Variants in ANK2 observed in about 807,000 individuals in gnomAD.
The protein encoded by ANK2 is ankyrin 2.
Under a neutral mutation model 360.5 loss-of-function variants are expected in ANK2, and 83 were observed. That is an observed-to-expected ratio of 0.23 (90% CI 0.19 to 0.28). ANK2 has a LOEUF of 0.28. Ranked by LOEUF, ANK2 falls within the 10% of genes least tolerant of loss-of-function variation. ANK2 has a pLI of 1.00. For synonymous variants in ANK2, 1,740 were observed against 1,759.5 expected (o/e 0.99, Z 0.28); for missense variants, 4,201 against 4,795.7 (o/e 0.88, Z 3.66).
intron 26 of ANK2, chr4:113,323,618 C>T (rs1262704517): frequency 5.8e-6 from 4 of 695,560 alleles, no homozygotes; most frequent in East Asian, 6.3e-5. Flanking sequence ...TTGCTCTTCT[C>T]GACCTATATC....
chr4:113,171,306 T>A (rs976450626), intron 1 of ANK2, among the ~76,000 whole-genome samples: 26 of 152,174 alleles, frequency 1.7e-4, no homozygotes, highest in African/African-American at 6.3e-4. Context: ...AGCGCTTGTG[T>A]CAAGGGCCTT....
intron 2 of ANK2, among the ~76,000 whole-genome samples, chr4:113,190,078 T>TA (rs1489936899): frequency 3.3e-5 from 5 of 151,110 alleles, no homozygotes; most frequent in East Asian, 3.9e-4. Flanking sequence ...TTTGTTACTG[T>TA]AAAAAAAAAC....
intron 2 of ANK2, among the ~76,000 whole-genome samples, chr4:112,934,628 G>T (rs2093578681): frequency 2.0e-5 from 3 of 152,104 alleles, no homozygotes; most frequent in African/African-American, 7.2e-5. Flanking sequence ...TTAAACACAT[G>T]GTTACAGGAT....
intron 38 of ANK2, among the ~76,000 whole-genome samples, chr4:113,359,981 G>A (rs1564074710): frequency 1.3e-5 from 2 of 152,130 alleles, no homozygotes; most frequent in African/African-American, 2.4e-5. Context: ...GACTGTGAGG[G>A]GATGATGGCT....
chr4:112,829,077 CA>C, intron 1 of ANK2, among the ~76,000 whole-genome samples: 1 of 152,262 alleles, frequency 6.6e-6, no homozygotes, highest in South Asian at 2.1e-4. Context: ...CGCTTGAACC[CA>C]GGAGGCAGAG....
chr4:113,080,191 G>A (rs2081833638), intron 1 of ANK2, among the ~76,000 whole-genome samples: 1 of 152,148 alleles, frequency 6.6e-6, no homozygotes, highest in Non-Finnish European at 1.5e-5. Context: ...CAGTCGCCAT[G>A]CCCTGCCCAC....
At chr4:112,921,052 C>CTT (rs1197480851) in intron 2 of ANK2, among the ~76,000 whole-genome samples, 57 of 135,120 alleles carry the variant, frequency 4.2e-4, no homozygotes, top group African/African-American at 9.7e-4. Flanking sequence ...TTCTTTTTCT[C>CTT]TTTTTTTTTT....
the ANK2 span, chr4:112,706,820 CACAA>C: frequency 1.3e-5 from 2 of 152,244 alleles, no homozygotes; most frequent in African/African-American, 4.8e-5. Context: ...TCTATAGAGA[CACAA>C]ACAGCTTCCC....
intron 2 of ANK2, among the ~76,000 whole-genome samples, chr4:112,937,680 T>C: frequency 6.6e-6 from 1 of 152,234 alleles, no homozygotes; most frequent in East Asian, 1.9e-4. Flanking sequence ...TTGGTTTCCT[T>C]GCCTGAAGCA....
At chr4:112,890,715 G>A (rs1261778862) in intron 1 of ANK2, among the ~76,000 whole-genome samples, 1 of 151,902 alleles carries the variant, frequency 6.6e-6, no homozygotes, top group African/African-American at 2.4e-5. Flanking sequence ...TTACAGGCAT[G>A]TGCCACCATG....
intron 2 of ANK2, among the ~76,000 whole-genome samples, chr4:113,176,549 CATATGGAT>C (rs1448558126): frequency 7.9e-5 from 12 of 151,940 alleles, no homozygotes; most frequent in African/African-American, 2.4e-4. Context: ...TTCAAACTCC[CATATGGAT>C]ATATGGACTT....
rs1025917024 is a variant in ANK2, at chr4:113,358,549, A to G, written c.9931A>G (p.Thr3311Ala). The change falls in exon 38 of 46, where the codon ACT becomes GCT. Residue 3311 changes from threonine (T) to alanine (A), a missense_variant. Coordinates refer to ENST00000357077, the MANE Select transcript of ANK2 (RefSeq NM_001148.6). ...KSKIPVRTMP[T>A]STPAPPSAEY... is the part of the protein sequence containing the mutation. ...CAAAATTCCTGTAAGGACTATGCCC[A>G]CTTCCACCCCAGCACCTCCATCTGC... The G allele has an allele frequency of 5.0e-6, 8 of 1,614,048 alleles. No homozygotes were observed. Among genetic ancestry groups the G allele is most frequent in the South Asian group, 1.1e-5 (1 of 91,086 alleles).
chr4:112,980,818 A>T (rs1409683824), intron 2 of ANK2, among the ~76,000 whole-genome samples: 1 of 152,220 alleles, frequency 6.6e-6, no homozygotes, highest in East Asian at 1.9e-4. Context: ...GGAAATTGGG[A>T]AAGATTTCAG....
intron 1 of ANK2, among the ~76,000 whole-genome samples, chr4:113,147,609 T>C (rs1455359459): frequency 1.3e-5 from 2 of 152,208 alleles, no homozygotes; most frequent in East Asian, 3.8e-4. Context: ...ATTTTTCCAC[T>C]TTGGCCATGG....
At chr4:112,774,426 T>C in the ANK2 span, among the ~76,000 whole-genome samples, 1 of 152,050 alleles carries the variant, frequency 6.6e-6, no homozygotes, top group African/African-American at 2.4e-5. Context: ...CTCGGGAGGC[T>C]GAGGCAGGAG....
chr4:112,843,364 C>G (rs775142715), intron 1 of ANK2, among the ~76,000 whole-genome samples: 1 of 152,180 alleles, frequency 6.6e-6, no homozygotes, highest in Non-Finnish European at 1.5e-5. Context: ...CCATTAAGAT[C>G]TCACATTTGA....
intron 1 of ANK2, among the ~76,000 whole-genome samples, chr4:113,150,490 A>G (rs2097023913): frequency 6.6e-6 from 1 of 152,196 alleles, no homozygotes; most frequent in African/African-American, 2.4e-5. Flanking sequence ...TGTTGGGAAG[A>G]AAGTACACTT....
chr4:113,006,707 CT>C (rs1387822146), intron 2 of ANK2, among the ~76,000 whole-genome samples: 3 of 152,146 alleles, frequency 2.0e-5, no homozygotes, highest in African/African-American at 7.2e-5. Flanking sequence ...GGTTAATGTA[CT>C]TAGAAATATC....
the ANK2 span, among the ~76,000 whole-genome samples, chr4:112,781,288 C>T: frequency 2.0e-5 from 3 of 151,976 alleles, no homozygotes; most frequent in South Asian, 4.1e-4. Flanking sequence ...TTAGTAGAGA[C>T]GGGGTTTCAC....
Sources: allele counts gnomAD v4.1 joint callset (sites outside exome capture counted in the v4.1 genomes callset), GRCh38; gene constraint gnomAD v4.1.1; transcripts MANE v1.5; gene names NCBI Gene and HGNC (gene_info 2026-07-23, HGNC 2026-07-21).